Variants in RNPEPL1 observed in about 807,000 individuals in gnomAD.
RNPEPL1 encodes arginyl aminopeptidase like 1.
In RNPEPL1, 46 loss-of-function variants were observed where a neutral mutation model predicts 69.0. That is an observed-to-expected ratio of 0.67 (90% CI 0.53 to 0.85). The LOEUF is 0.85. Ranked by LOEUF, RNPEPL1 falls within the 40% of genes least tolerant of loss-of-function variation. The pLI is 0.00. For missense variants in RNPEPL1, 869 were observed against 992.5 expected, an observed-to-expected ratio of 0.88 and a Z score of 1.67; for synonymous variants, 525 against 454.1, an observed-to-expected ratio of 1.16 and a Z score of -1.98.
intron 6 of RNPEPL1, 25 bp downstream of exon 6, chr2:240,574,653 C>A: frequency 6.3e-7 from 1 of 1,578,796 alleles, no homozygotes. Context: ...GGACCCGCTC[C>A]CACAACTGGG....
At chr2:240,574,062 G>T (rs750401571) in intron 4 of RNPEPL1, 51 bp from the exon 5 acceptor site, 1 of 1,539,940 alleles carries the variant, frequency 6.5e-7, no homozygotes. Context: ...GGTGTGCAGG[G>T]TGGGAGTCTG....
At chr2:240,576,164 G>C (rs190113823) in intron 8 of RNPEPL1, 3 of 331,744 alleles carry the variant, frequency 9.0e-6, no homozygotes, top group South Asian at 4.3e-5. Context: ...TTTAAGAGCA[G>C]GAATATCATC....
chr2:240,577,401 C>A (rs748787907), intron 10 of RNPEPL1, among the ~76,000 whole-genome samples, 198 bp from the exon 11 acceptor site: 7 of 152,226 alleles, frequency 4.6e-5, no homozygotes, highest in African/African-American at 1.7e-4. Flanking sequence ...GGAGATGGGG[C>A]CTCCATGGTT....
chr2:240,575,258 C>T lies in RNPEPL1; in HGVS notation c.1401+116C>T, dbSNP rs1308573158. 1.4e-5 allele frequency: 12 copies of T among 875,518 alleles called. No individual in the cohort carries two copies. The East Asian group carries it at 2.7e-4, about 20-fold the overall frequency. 54.2% of individuals were successfully genotyped at this position (875,518 alleles called of 1,614,324 possible). A position where few individuals can be genotyped will look rare whatever the true frequency, so the allele number is the denominator to read the frequency against. ...GGTGGAACTGGCAGGGGCCTGTGAGCCTGGCTGGGACCTAGTCTGCCTTTC... is the reference window on the plus strand; with the variant it reads ...GGTGGAACTGGCAGGGGCCTGTGAGTCTGGCTGGGACCTAGTCTGCCTTTC... On this transcript the variant is annotated intron_variant, in intron 7 of 10. Transcript: ENST00000270357.
intron 8 of RNPEPL1, 123 bp from the exon 9 acceptor site, chr2:240,576,412 C>A (rs2093037798): frequency 1.1e-6 from 1 of 876,078 alleles, no homozygotes; most frequent in Non-Finnish European, 1.7e-6. Flanking sequence ...CCTGAACAGC[C>A]CACGTCCCTG....
intron 6 of RNPEPL1, 27 bp from the exon 7 acceptor site, chr2:240,575,003 C>T (rs2093033532): frequency 6.3e-7 from 1 of 1,581,762 alleles, no homozygotes; most frequent in Non-Finnish European, 8.7e-7. Context: ...TTTCGGACGC[C>T]AGCCCAGGTG....
intron 6 of RNPEPL1, 157 bp downstream of exon 6, chr2:240,574,785 CT>C: frequency 1.4e-6 from 1 of 698,300 alleles, no homozygotes; most frequent in Non-Finnish European, 2.4e-6. Context: ...AGGGCAAGGC[CT>C]CCCCAGGCTC....
At chr2:240,577,542 G>A in intron 10 of RNPEPL1, 57 bp from the exon 11 acceptor site, 10 of 1,500,598 alleles carry the variant, frequency 6.7e-6, no homozygotes, top group Non-Finnish European at 9.0e-6. Flanking sequence ...CTGGCAGGGT[G>A]GGCTGGCTCG....
At position 240,569,179 on chromosome 2, in the gene RNPEPL1, C is replaced by G. The variant is rs1575434370; in HGVS notation, c.528+65C>G. The stretch of plus-strand genomic sequence containing the variant: ...CAGGGCGCTGCTAGCGGCCTCTCGC[C>G]GCACGGCCAGGCTGAGGGACGCGAA... On this transcript the variant is annotated intron_variant, in intron 1 of 10. Transcript: ENST00000270357. 2.1e-5 allele frequency: 28 copies of G among 1,364,210 alleles called. No homozygotes were observed. The East Asian group carries it at 7.8e-4, about 38-fold the overall frequency. The allele number at this position is 1,364,210 out of a possible 1,614,324, so 84.5% of individuals were successfully genotyped here.
In RNPEPL1 at chr2:240,578,513, G is replaced by C. The variant is rs2093044582; in HGVS notation, c.*621G>C. 6.6e-6 allele frequency: 1 copy of C among 152,414 alleles called. No individual in the cohort carries two copies. The highest frequency in any genetic ancestry group is 2.4e-5 in the African/African-American group (1 of 41,446). The allele number at this position is 152,414 out of a possible 1,614,324, so 9.4% of individuals were successfully genotyped here. A position where few individuals can be genotyped will look rare whatever the true frequency, so the allele number is the denominator to read the frequency against. On this transcript the variant is annotated 3_prime_UTR_variant, in exon 11 of 11. Coordinates refer to ENST00000270357, the MANE Select transcript of RNPEPL1 (RefSeq NM_018226.6). ...TCAGAACAGGGAGTCCCAGGACCCA[G>C]GGAGAGTGTGGGGACAGGACAGCCT...
intron 6 of RNPEPL1, 66 bp from the exon 7 acceptor site, chr2:240,574,964 C>A: frequency 8.3e-7 from 1 of 1,205,960 alleles, no homozygotes; most frequent in Non-Finnish European, 1.2e-6. Flanking sequence ...CTGACCACTG[C>A]CCCTCCCTAT....
chr2:240,569,145 G>T (rs1575434336), intron 1 of RNPEPL1, 31 bp downstream of exon 1: 1 of 1,428,998 alleles, frequency 7.0e-7, no homozygotes, highest in East Asian at 3.0e-5. Flanking sequence ...GGGGCTGCGG[G>T]CCGGTCCGCA....
intron 1 of RNPEPL1, among the ~76,000 whole-genome samples, chr2:240,571,336 T>C (rs556569341): frequency 1.3e-5 from 2 of 152,298 alleles, no homozygotes; most frequent in East Asian, 3.9e-4. Context: ...ATTCCACTTG[T>C]CCAGTCTTAG....
chr2:240,576,437 C>T, intron 8 of RNPEPL1, 98 bp from the exon 9 acceptor site: 1 of 1,196,468 alleles, frequency 8.4e-7, no homozygotes, highest in African/African-American at 1.5e-5. Flanking sequence ...AGGCCACCTG[C>T]CTGGAACACA....
At chr2:240,574,778 G>A in intron 6 of RNPEPL1, 150 bp downstream of exon 6, 1 of 744,874 alleles carries the variant, frequency 1.3e-6, no homozygotes, top group Non-Finnish European at 2.2e-6. Context: ...CCTGGCCAGG[G>A]CAAGGCCTCC....
At chr2:240,577,109 C>T (rs1313904129) in intron 10 of RNPEPL1, 119 bp downstream of exon 10, 20 of 1,312,504 alleles carry the variant, frequency 1.5e-5, no homozygotes, top group African/African-American at 1.4e-4. Flanking sequence ...GAGAATGGGG[C>T]GGGGAAGACG....
Position 240,577,855 on chromosome 2 carries a change from G to A in RNPEPL1, c.2141G>A (p.Ser714Asn). 1.3e-6 allele frequency: 2 copies of A among 1,580,530 alleles called. No homozygotes were observed. Among genetic ancestry groups the A allele is most frequent in the Non-Finnish European group, 1.7e-6 (2 of 1,158,546 alleles). The change falls in exon 11 of 11, where the codon AGT (serine) becomes AAT (asparagine). Residue 714 changes from serine (S) to asparagine (N), a missense_variant. Physicochemically the swap from Ser to Asn is conservative, Grantham distance 46. Around this residue, in one of 2 missense-constraint regions of RNPEPL1, gnomAD observed 610 missense variants for 790.9 expected, o/e 0.77. Coordinates refer to ENST00000270357, the MANE Select transcript of RNPEPL1 (RefSeq NM_018226.6). Reference sequence around the variant, plus strand: ...CTGCTTGGGGACGAGGCCCCCAGCAGTGCCATCTCTCTCAGGGACGTCAAT... The same window carrying A: ...CTGCTTGGGGACGAGGCCCCCAGCAATGCCATCTCTCTCAGGGACGTCAAT... ...ALLLGDEAPS[S>N]AISLRDVNVS...
chr2:240,574,425 C>A, intron 5 of RNPEPL1, 77 bp downstream of exon 5: 1 of 1,543,324 alleles, frequency 6.5e-7, no homozygotes, highest in East Asian at 2.3e-5. Flanking sequence ...AGCCTGGCCC[C>A]CCTGCCATGC....
In RNPEPL1 at chr2:240,568,618, C is replaced by G. The variant is rs1400552147; in HGVS notation, c.32C>G (p.Pro11Arg). The G allele has an allele frequency of 1.3e-5, 13 of 994,036 alleles. No individual in the cohort carries two copies. The highest frequency in any genetic ancestry group is 1.6e-5 in the Non-Finnish European group (13 of 838,598). The allele number at this position is 994,036 out of a possible 1,614,324, so 61.6% of individuals were successfully genotyped here. A position where few individuals can be genotyped will look rare whatever the true frequency, so the allele number is the denominator to read the frequency against. ...GCGCAGTGCTGCTGCCGCCAGGCGC[C>G]CGGCGCCGAGGCCGCGCCCGTCCGC... MAAQCCCRQAPGAEAAPVRPP... is the reference protein window; with the variant it reads MAAQCCCRQARGAEAAPVRPP... Residue 11 changes from proline to arginine, a missense_variant, in exon 1 of 11, where the codon CCC (proline) becomes CGC (arginine). Physicochemically the swap from Pro to Arg is moderately radical, Grantham distance 103 (BLOSUM62 -2). Transcript: ENST00000270357. The surrounding 1 kb of genome is among the most constrained non-coding windows in gnomAD (Gnocchi z 6.2).
Sources: allele counts gnomAD v4.1 joint callset (sites outside exome capture counted in the v4.1 genomes callset), GRCh38; gene constraint gnomAD v4.1.1; regional missense constraint gnomAD v4.1.1; non-coding constraint Gnocchi (gnomAD v3.1); transcripts MANE v1.5; gene names NCBI Gene and HGNC (gene_info 2026-07-23, HGNC 2026-07-21).